Variants in IL16 observed in about 807,000 individuals in gnomAD.
IL16 encodes interleukin 16, also known as pro-interleukin-16.
In IL16, 67 loss-of-function variants were observed where a neutral mutation model predicts 110.1. That is an observed-to-expected ratio of 0.61 (90% CI 0.50 to 0.75). The LOEUF is 0.75. IL16 is among the 30% of genes least tolerant of loss of function. The pLI is 0.00. For synonymous variants in IL16, 689 were observed against 662.9 expected, an observed-to-expected ratio of 1.04 and a Z score of -0.61; for missense variants, 1,545 against 1,655.0, an observed-to-expected ratio of 0.93 and a Z score of 1.15.
intron 2 of IL16, among the ~76,000 whole-genome samples, chr15:81,245,589 A>G (rs1897510569): frequency 1.1e-5 from 1 of 89,966 alleles, no homozygotes; most frequent in Non-Finnish European, 2.3e-5. Flanking sequence ...ATGGAAGTCT[A>G]GCCACTGCTG....
At position 81,305,915 on chromosome 15, in the gene IL16, G is replaced by C; in HGVS notation, c.3428G>C (p.Arg1143Thr). 6.2e-7 allele frequency: 1 copy of C among 1,614,152 alleles called. No individual in the cohort carries two copies. The highest frequency in any genetic ancestry group is 8.5e-7 in the Non-Finnish European group (1 of 1,179,996). Residue 1143 changes from arginine to threonine, a missense_variant, in exon 17 of 19, where the codon AGA becomes ACA. By Grantham distance (71) the Arg-to-Thr change is moderately conservative. This residue lies in a region of IL16 where 356 missense variants were observed against 399.3 expected (regional missense o/e 0.89). Transcript: ENST00000683961. ...TTCCTTTGGTTTGCTCAGGTTCACAGAGTGTTTCCAAATGGGCTGGCCTCC... is the reference window on the plus strand; with the variant it reads ...TTCCTTTGGTTTGCTCAGGTTCACACAGTGTTTCCAAATGGGCTGGCCTCC... Reference protein sequence around the residue: ...DLENKVITVHRVFPNGLASQE... With the variant: ...DLENKVITVHTVFPNGLASQE...
At chr15:81,296,867 C>T (rs970020231) in intron 12 of IL16, 61 bp from the exon 13 acceptor site, 55 of 1,465,806 alleles carry the variant, frequency 3.8e-5, no homozygotes, top group East Asian at 1.2e-4. Flanking sequence ...AAGCGTGTCT[C>T]GCCTTCTCAC....
At chr15:81,199,030 A>AT (rs1555411598) in intron 1 of IL16, among the ~76,000 whole-genome samples, 2,590 of 103,560 alleles carry the variant, frequency 0.025, 39 homozygotes, top group Non-Finnish European at 0.035. Context: ...AAAAAAAAAA[A>AT]ATATATATAT....
intron 1 of IL16, among the ~76,000 whole-genome samples, chr15:81,190,235 T>TC (rs1389741977): frequency 6.6e-6 from 1 of 152,192 alleles, no homozygotes; most frequent in Non-Finnish European, 1.5e-5. Flanking sequence ...CCTGGCCTTT[T>TC]CTTGTTGCCA....
intron 5 of IL16, among the ~76,000 whole-genome samples, chr15:81,271,273 TAAATTAAATA>T (rs1898623779): frequency 6.8e-6 from 1 of 147,230 alleles, no homozygotes; most frequent in Non-Finnish European, 1.5e-5. Context: ...TAAAATAAAA[TAAATTAAATA>T]AAATAAAATA....
In IL16 at chr15:81,283,155, G is replaced by A. The variant is rs975684633; in HGVS notation, c.1199+399G>A. ...TGCCAGGACCAGACCGAGGTGGGGC[G>A]GCCTAAATACCACATCCCGCTGTGG... On this transcript the variant is annotated intron_variant, in intron 9 of 18. Transcript: ENST00000683961. Among the ~76,000 whole-genome samples, 6 of 152,188 alleles carry A rather than the reference G, an allele frequency of 3.9e-5. 1 individual carries two copies. Among genetic ancestry groups the A allele is most frequent in the Non-Finnish European group, 8.8e-5 (6 of 68,018 alleles).
chr15:81,193,134 C>A (rs1188404767), upstream of IL16, among the ~76,000 whole-genome samples: 5 of 152,082 alleles, frequency 3.3e-5, no homozygotes, highest in Non-Finnish European at 5.9e-5. Context: ...CGAGATGAAC[C>A]CAGGAATTTT....
At chr15:81,296,854 T>C in intron 12 of IL16, 74 bp from the exon 13 acceptor site, 1 of 1,368,416 alleles carries the variant, frequency 7.3e-7, no homozygotes, top group Admixed American at 2.2e-5. Context: ...TCCGTCCCAA[T>C]CAAAGCGTGT....
rs1199955835 is a variant in IL16 at position 81,257,970 on chromosome 15, G to C, written c.313-1802G>C. On this transcript the variant is annotated intron_variant, in intron 2 of 18. Coordinates refer to ENST00000683961, the MANE Select transcript of IL16 (RefSeq NM_172217.5). Reference sequence around the variant, plus strand: ...CCCTAGACATGCAGATATTCAGAGAGCTTTCCTGAAAGAAAACACACACAC... The same window carrying C: ...CCCTAGACATGCAGATATTCAGAGACCTTTCCTGAAAGAAAACACACACAC... Among the ~76,000 whole-genome samples, 3 of 152,132 alleles carry C rather than the reference G, an allele frequency of 2.0e-5. No individual in the cohort carries two copies. In the South Asian group the frequency reaches 6.2e-4, roughly 32 times the overall value.
chr15:81,260,764 TC>T (rs1898120620), intron 3 of IL16, among the ~76,000 whole-genome samples: 1 of 152,208 alleles, frequency 6.6e-6, no homozygotes, highest in Admixed American at 6.5e-5. Flanking sequence ...CTTGGGCAAG[TC>T]CCCTCTGAGT....
chr15:81,187,860 C>T (rs1386212630), intron 1 of IL16, among the ~76,000 whole-genome samples: 1 of 152,098 alleles, frequency 6.6e-6, no homozygotes, highest in Non-Finnish European at 1.5e-5. Context: ...CAGCACCAAG[C>T]CATGGGTTAT....
chr15:81,191,057 G>A (rs915607483), intron 1 of IL16, among the ~76,000 whole-genome samples: 2 of 152,202 alleles, frequency 1.3e-5, no homozygotes, highest in East Asian at 1.9e-4. Flanking sequence ...CCAAGATGGA[G>A]TTGCCTCAGC....
intron 15 of IL16, among the ~76,000 whole-genome samples, chr15:81,301,898 G>A (rs1305659588): frequency 6.6e-6 from 1 of 152,212 alleles, no homozygotes; most frequent in African/African-American, 2.4e-5. Flanking sequence ...AACAATGTGG[G>A]TTACAAGAGC....
chr15:81,218,673 C>T (rs887445015), intron 1 of IL16, among the ~76,000 whole-genome samples: 2 of 152,288 alleles, frequency 1.3e-5, no homozygotes, highest in Middle Eastern at 3.4e-3. Flanking sequence ...GCTGTACCTT[C>T]CCAAAAAGTT....
chr15:81,266,710 C>T (rs1438523871), intron 4 of IL16, among the ~76,000 whole-genome samples: 1 of 152,216 alleles, frequency 6.6e-6, no homozygotes, highest in Non-Finnish European at 1.5e-5. Flanking sequence ...GGGAAAGCTC[C>T]TGATCTCTCC....
intron 2 of IL16, among the ~76,000 whole-genome samples, chr15:81,250,705 T>G (rs763096545): frequency 1.3e-5 from 2 of 152,222 alleles, no homozygotes; most frequent in Non-Finnish European, 2.9e-5. Flanking sequence ...GATGTCCATA[T>G]GTATTAATTA....
chr15:81,205,076 G>A (rs1895966634), intron 1 of IL16, among the ~76,000 whole-genome samples: 1 of 152,164 alleles, frequency 6.6e-6, no homozygotes, highest in Non-Finnish European at 1.5e-5. Context: ...GGGGGCCAAG[G>A]TGGGTGGATC....
At chr15:81,251,905 TCTTAGTAACATAATG>T (rs1268285692) in intron 2 of IL16, among the ~76,000 whole-genome samples, 3 of 152,194 alleles carry the variant, frequency 2.0e-5, no homozygotes, top group Non-Finnish European at 4.4e-5. Context: ...AGAAATAATT[TCTTAGTAACATAATG>T]CTGTAATGTG....
rs755206497 is a variant in IL16 at position 81,279,584 on chromosome 15, C to T, written c.891C>T (p.Leu297=). The change falls in exon 8 of 19, where the codon CTC becomes CTT. Residue 297 remains leucine (L), a synonymous_variant. Transcript: ENST00000683961. ...FKQAKKGLLT[L]TVRTRLTAPP... ...AAGCCAAAAAGGGGCTCCTCACCCT[C>T]ACCGTGAGAACCCGCCTGACGGCGC... The T allele has an allele frequency of 1.2e-6, 2 of 1,613,528 alleles. No homozygotes were observed. The highest frequency in any genetic ancestry group is 1.1e-5 in the South Asian group (1 of 91,070).
Sources: allele counts gnomAD v4.1 joint callset (sites outside exome capture counted in the v4.1 genomes callset), GRCh38; gene constraint gnomAD v4.1.1; regional missense constraint gnomAD v4.1.1; transcripts MANE v1.5; gene names NCBI Gene and HGNC (gene_info 2026-07-23, HGNC 2026-07-21).